TDP1: variants seen among roughly 807,000 people sequenced by gnomAD.
TDP1 encodes tyrosyl-DNA phosphodiesterase 1.
TDP1 carries 64 observed loss-of-function variants against 81.5 expected under a neutral mutation model. The ratio of observed to expected loss-of-function variants is 0.79; its 90% confidence interval spans 0.64 to 0.97. The LOEUF is 0.97. Ranked by LOEUF, TDP1 falls within the 50% of genes least tolerant of loss-of-function variation. The probability of loss-of-function intolerance (pLI) is 0.00; values close to 1 mark genes in which losing one functional copy is unlikely to be tolerated. For synonymous variants in TDP1, 256 were observed against 264.3 expected, an observed-to-expected ratio of 0.97 and a Z score of 0.30; for missense variants, 723 against 743.8, an observed-to-expected ratio of 0.97 and a Z score of 0.33.
intron 2 of TDP1, among the ~76,000 whole-genome samples, chr14:89,962,200 T>G (rs1191490215): frequency 5.9e-5 from 9 of 152,226 alleles, no homozygotes; most frequent in Non-Finnish European, 2.9e-5. Flanking sequence ...TAATTATATC[T>G]TGATATAATT....
intron 15 of TDP1, 198 bp from the exon 16 acceptor site, chr14:90,032,908 C>G: frequency 1.0e-6 from 1 of 957,454 alleles, no homozygotes; most frequent in Non-Finnish European, 1.2e-6. Flanking sequence ...AATTAAAGCT[C>G]TTATGTTTAG....
chr14:89,965,726 T>G lies in TDP1; in HGVS notation c.560-421T>G, dbSNP rs569345060. The stretch of plus-strand genomic sequence containing the variant: ...GCTTTCCAGTCTTTCTGGAAAGTCT[T>G]TCTAAACTGTCCACATTTATAAAAT... On this transcript the variant is annotated intron_variant, in intron 3 of 16. Coordinates refer to ENST00000335725, the MANE Select transcript of TDP1 (RefSeq NM_018319.4). 7.2e-6 allele frequency: 7 copies of G among 978,888 alleles called. No individual in the cohort carries two copies. The African/African-American group carries it at 1.2e-4, about 17-fold the overall frequency. The allele number at this position is 978,888 out of a possible 1,614,324, so 60.6% of individuals were successfully genotyped here.
At chr14:89,999,770 T>G (rs2140167924) in intron 14 of TDP1, among the ~76,000 whole-genome samples, 1 of 152,306 alleles carries the variant, frequency 6.6e-6, no homozygotes, top group Non-Finnish European at 1.5e-5. Flanking sequence ...ATTGCTCAAG[T>G]TTTCTTTCCA....
At chr14:89,973,716 G>A (rs1893919218) in intron 6 of TDP1, among the ~76,000 whole-genome samples, 1 of 152,062 alleles carries the variant, frequency 6.6e-6, no homozygotes, top group East Asian at 1.9e-4. Context: ...GGCTCTACGT[G>A]TGTGTATTAG....
chr14:90,002,410 C>G (rs1897263013), intron 14 of TDP1, among the ~76,000 whole-genome samples: 1 of 152,198 alleles, frequency 6.6e-6, no homozygotes, highest in African/African-American at 2.4e-5. Context: ...TGATAGAAAA[C>G]ATGCGGTTGT....
At chr14:89,981,974 T>C (rs1638282448) in intron 8 of TDP1, among the ~76,000 whole-genome samples, 1 of 152,184 alleles carries the variant, frequency 6.6e-6, no homozygotes, top group African/African-American at 2.4e-5. Context: ...AGTTACATCT[T>C]AGTTTGAGCT....
chr14:90,020,416 G>A (rs980153588), intron 15 of TDP1, among the ~76,000 whole-genome samples: 2 of 102,852 alleles, frequency 1.9e-5, no homozygotes, highest in Middle Eastern at 0.01. Flanking sequence ...ACTCAGAATC[G>A]CCCACACGAT....
intron 14 of TDP1, among the ~76,000 whole-genome samples, chr14:90,004,107 T>G (rs143744598): frequency 6.6e-6 from 1 of 152,104 alleles, no homozygotes; most frequent in Non-Finnish European, 1.5e-5. Context: ...GTGACTTCCT[T>G]TATACGATAG....
chr14:89,965,568 G>T (rs1892844854), intron 3 of TDP1, among the ~76,000 whole-genome samples: 1 of 152,162 alleles, frequency 6.6e-6, no homozygotes, highest in African/African-American at 2.4e-5. Flanking sequence ...GGTTTGAGAA[G>T]TGAGCTTTCA....
chr14:89,974,704 C>G (rs959244767), intron 6 of TDP1, among the ~76,000 whole-genome samples: 4 of 152,142 alleles, frequency 2.6e-5, no homozygotes, highest in Non-Finnish European at 5.9e-5. Context: ...CTCTGGATCT[C>G]AGAATGGTAC....
intron 15 of TDP1, chr14:90,022,865 G>A: frequency 5.4e-6 from 3 of 555,702 alleles, no homozygotes; most frequent in Non-Finnish European, 6.9e-6. Flanking sequence ...ACGTGCACAG[G>A]AGTGAGATGC....
chr14:90,016,867 G>A (rs1006612677), intron 14 of TDP1, among the ~76,000 whole-genome samples: 4 of 152,074 alleles, frequency 2.6e-5, no homozygotes, highest in Admixed American at 2.6e-4. Flanking sequence ...GTAGACCATG[G>A]GACCTCCAGA....
intron 4 of TDP1, 73 bp downstream of exon 4, chr14:89,966,263 A>G: frequency 2.0e-6 from 2 of 985,094 alleles, no homozygotes; most frequent in Non-Finnish European, 3.3e-6. Flanking sequence ...ATAAGAAAAT[A>G]TGAGAGGCAT....
At chr14:89,993,000 C>CCT (rs780438925) in intron 13 of TDP1, 39 of 937,018 alleles carry the variant, frequency 4.2e-5, no homozygotes, top group Non-Finnish European at 4.7e-5. Flanking sequence ...TTTTGCTGAG[C>CCT]CTCTACTCAT....
chr14:90,011,051 T>C (rs1433713672), intron 14 of TDP1, among the ~76,000 whole-genome samples: 1 of 152,124 alleles, frequency 6.6e-6, no homozygotes, highest in East Asian at 1.9e-4. Flanking sequence ...GTTCTCATGA[T>C]AGTGAATATG....
chr14:89,975,586 T>G lies in TDP1; in HGVS notation c.757-195T>G, dbSNP rs929890728. On this transcript the variant is annotated intron_variant, in intron 6 of 16. Coordinates refer to ENST00000335725, the MANE Select transcript of TDP1 (RefSeq NM_018319.4). ...TTCTGGGTAACAAAATTTGTGTTTT[T>G]TTTTTTTTTTTTTTTAATGAGCGTC... is the stretch of plus-strand genomic sequence containing the variant. 2,074 of 695,662 alleles carry G rather than the reference T, an allele frequency of 3.0e-3. 3 individuals are homozygous for G. Among genetic ancestry groups the G allele is most frequent in the Middle Eastern group, 8.9e-3 (12 of 1,354 alleles). The allele number at this position is 695,662 out of a possible 1,614,324, so 43.1% of individuals were successfully genotyped here.
intron 8 of TDP1, chr14:89,983,164 G>A (rs1343032096): frequency 2.2e-6 from 1 of 455,860 alleles, no homozygotes; most frequent in Non-Finnish European, 4.4e-6. Flanking sequence ...ACTCAGCCTG[G>A]GAACTTTGAG....
At chr14:90,023,474 G>A (rs1667525383) in intron 15 of TDP1, among the ~76,000 whole-genome samples, 1 of 152,064 alleles carries the variant, frequency 6.6e-6, no homozygotes, top group African/African-American at 2.4e-5. Context: ...TTTTAAGCAG[G>A]GCTAGTGGTC....
intron 15 of TDP1, among the ~76,000 whole-genome samples, chr14:90,024,676 T>C (rs1886450510): frequency 6.6e-6 from 1 of 152,176 alleles, no homozygotes. Flanking sequence ...GAAATTAAAA[T>C]ACACATACGC....
Sources: allele counts gnomAD v4.1 joint callset (sites outside exome capture counted in the v4.1 genomes callset), GRCh38; gene constraint gnomAD v4.1.1; transcripts MANE v1.5; gene names NCBI Gene and HGNC (gene_info 2026-07-23, HGNC 2026-07-21).